PPP6R2: variants seen among roughly 807,000 people sequenced by gnomAD.
PPP6R2 encodes protein phosphatase 6 regulatory subunit 2, also known as serine/threonine-protein phosphatase 6 regulatory subunit 2.
Under a neutral mutation model 100.2 loss-of-function variants are expected in PPP6R2, and 62 were observed. The ratio of observed to expected loss-of-function variants is 0.62; its 90% confidence interval spans 0.50 to 0.76. The LOEUF is 0.76. Among genes scored for constraint, PPP6R2 ranks in the 30% least tolerant of loss-of-function variants. The pLI is 0.00. For missense variants in PPP6R2, 1,142 were observed against 1,276.3 expected, an observed-to-expected ratio of 0.89 and a Z score of 1.60; for synonymous variants, 525 against 514.7, an observed-to-expected ratio of 1.02 and a Z score of -0.27.
chr22:50,437,672 G>C (rs2064661125), intron 16 of PPP6R2, 69 bp downstream of exon 16: 1 of 1,441,712 alleles, frequency 6.9e-7, no homozygotes, highest in Non-Finnish European at 9.7e-7. Flanking sequence ...CGTGGAGGCA[G>C]CTCCCTGAGG....
chr22:50,376,940 T>A (rs2051721683), intron 2 of PPP6R2, among the ~76,000 whole-genome samples: 1 of 151,862 alleles, frequency 6.6e-6, no homozygotes, highest in South Asian at 2.1e-4. Context: ...GACAGGAGAA[T>A]GGCGTGAACC....
At chr22:50,406,129 GA>G in intron 3 of PPP6R2, among the ~76,000 whole-genome samples, 2 of 118,450 alleles carry the variant, frequency 1.7e-5, no homozygotes, top group African/African-American at 6.9e-5. Flanking sequence ...AGGCGAGTGT[GA>G]AGGCCTGGAG....
intron 3 of PPP6R2, among the ~76,000 whole-genome samples, chr22:50,395,670 C>T (rs896286185): frequency 1.3e-5 from 2 of 152,126 alleles, no homozygotes; most frequent in African/African-American, 2.4e-5. Flanking sequence ...AAGTGATCCT[C>T]CCGCCTTAGC....
intron 2 of PPP6R2, among the ~76,000 whole-genome samples, chr22:50,382,677 A>G (rs1185949925): frequency 2.0e-5 from 3 of 152,196 alleles, no homozygotes; most frequent in Non-Finnish European, 2.9e-5. Context: ...GAAAGCAATT[A>G]AAGACTTGAA....
At chr22:50,353,294 T>C (rs1434020203) in intron 1 of PPP6R2, among the ~76,000 whole-genome samples, 2 of 152,182 alleles carry the variant, frequency 1.3e-5, no homozygotes, top group Non-Finnish European at 2.9e-5. Flanking sequence ...CATGTGACTC[T>C]TCCTTTCCTA....
Position 50,372,781 on chromosome 22 carries a change from C to T in PPP6R2, c.-17+631C>T, listed in dbSNP as rs183267699. ...TCGGCTCACTGCAACCTCCACCTCCCGGGATCAAGCGATTCTTCTTCCTCA... is the reference window on the plus strand; with the variant it reads ...TCGGCTCACTGCAACCTCCACCTCCTGGGATCAAGCGATTCTTCTTCCTCA... On this transcript the variant is annotated intron_variant, in intron 2 of 23. Transcript: ENST00000612753. 4.2e-3 allele frequency among the ~76,000 whole-genome samples: 631 copies of T among 149,558 alleles called. 7 individuals carry two copies. The highest frequency in any genetic ancestry group is 0.014 in the African/African-American group (574 of 40,704).
At chr22:50,339,453 GGTGTGTGATTGGTGTGTGTGTA>G (rs1169022672), upstream of PPP6R2, among the ~76,000 whole-genome samples, 15 of 123,018 alleles carry the variant, frequency 1.2e-4, no homozygotes, top group African/African-American at 4.3e-4. Context: ...TGTTGTGTGT[GGTGTGTGATTGGTGTGTGTGTA>G]GTGTGTGGTG....
rs747689479 is a variant in PPP6R2, at chr22:50,440,911, C to T, written c.2464C>T (p.His822Tyr). The part of the protein sequence containing the change: ...ASDSSSSGGS[H>Y]SEDGDQKAAS... ...TGACAGTAGCTCCTCTGGGGGCTCC[C>T]ACAGCGAGGATGGCGACCAGAAGGC... The change falls in exon 22 of 24, where the codon CAC becomes TAC. Residue 822 changes from histidine (H) to tyrosine (Y), a missense_variant. His to Tyr is a moderately conservative substitution (Grantham distance 83). Around this residue, in one of 2 missense-constraint regions of PPP6R2, gnomAD observed 550 missense variants for 517.4 expected, o/e 1.06. Coordinates refer to ENST00000612753, the MANE Select transcript of PPP6R2 (RefSeq NM_001242898.2). 4 of 1,613,628 alleles carry T rather than the reference C, an allele frequency of 2.5e-6. No homozygotes were observed. The African/African-American group carries it at 5.3e-5, about 22-fold the overall frequency.
Position 50,434,971 on chromosome 22 carries a change from C to G in PPP6R2, c.1406C>G (p.Ala469Gly). The G allele has an allele frequency of 6.2e-7, 1 of 1,602,642 alleles. No individual in the cohort carries two copies. The highest frequency in any genetic ancestry group is 1.1e-5 in the South Asian group (1 of 90,640). Residue 469 changes from alanine to glycine, a missense_variant, in exon 13 of 24, where the codon GCG becomes GGG. Transcript: ENST00000612753. ...AWEANDHTQA[A>G]GGMRRGNMGH... ...ATGGTGCCTGTTGCTTTCAGGGCAG[C>G]GGGTGGCATGAGACGTGGGAACATG...
At position 50,374,548 on chromosome 22, in the gene PPP6R2, C is replaced by G. The variant is rs573294026; in HGVS notation, c.-17+2398C>G. 1.4e-4 allele frequency among the ~76,000 whole-genome samples: 22 copies of G among 152,188 alleles called. No individual in the cohort carries two copies. The East Asian group carries it at 4.2e-3, about 29-fold the overall frequency. ...TATTCGAAGTATTAATAGCTTTGAA[C>G]TTTCAGAAACTAATAAAAGACCTAA... On this transcript the variant is annotated intron_variant, in intron 2 of 23. Coordinates refer to ENST00000612753, the MANE Select transcript of PPP6R2 (RefSeq NM_001242898.2).
chr22:50,361,307 A>G (rs1020166706), intron 1 of PPP6R2, among the ~76,000 whole-genome samples: 2 of 152,200 alleles, frequency 1.3e-5, no homozygotes, highest in African/African-American at 4.8e-5. Flanking sequence ...CCTGGGTTCA[A>G]GTTCTAGAAC....
At chr22:50,351,397 A>G (rs1020375167) in intron 1 of PPP6R2, among the ~76,000 whole-genome samples, 3 of 148,032 alleles carry the variant, frequency 2.0e-5, no homozygotes, top group Non-Finnish European at 4.5e-5. Flanking sequence ...TGAGCATTCA[A>G]TTTAAAAGTC....
chr22:50,350,111 CTG>C (rs1457075959), intron 1 of PPP6R2, among the ~76,000 whole-genome samples: 1 of 152,026 alleles, frequency 6.6e-6, no homozygotes, highest in Non-Finnish European at 1.5e-5. Context: ...GAGCAAGACT[CTG>C]TCTCAAAAAG....
At chr22:50,380,184 G>A (rs1056253333) in intron 2 of PPP6R2, among the ~76,000 whole-genome samples, 1 of 152,060 alleles carries the variant, frequency 6.6e-6, no homozygotes, top group South Asian at 2.1e-4. Flanking sequence ...TAGAGACCCC[G>A]TGGTGATAGA....
At position 50,437,468 on chromosome 22, in the gene PPP6R2, G is replaced by A. The variant is rs553496166; in HGVS notation, c.1684-38G>A. 2.4e-5 allele frequency: 31 copies of A among 1,275,828 alleles called. 1 individual carries two copies. Among genetic ancestry groups the A allele is most frequent in the Middle Eastern group, 2.1e-4 (1 of 4,720 alleles). The allele number at this position is 1,275,828 out of a possible 1,614,324, so 79.0% of individuals were successfully genotyped here. On this transcript the variant is annotated intron_variant, in intron 15 of 23. Transcript: ENST00000612753. ...CAGGCCTGATGCCTCCTCCATGACC[G>A]GTGTCTGTCCGTCCCTCCCTCCCTC...
chr22:50,443,072 G>T (rs555845674), intron 22 of PPP6R2: 1 of 152,130 alleles, frequency 6.6e-6, no homozygotes, highest in African/African-American at 2.4e-5. Flanking sequence ...GGCTGAGGCA[G>T]GAGAATCGCT....
chr22:50,386,886 G>GGGAAACT (rs1163377101), intron 2 of PPP6R2, among the ~76,000 whole-genome samples: 1 of 152,044 alleles, frequency 6.6e-6, no homozygotes, highest in Non-Finnish European at 1.5e-5. Context: ...GTTGAAGAAA[G>GGGAAACT]GGAAACTGGA....
chr22:50,350,139 A>G (rs2044710589), intron 1 of PPP6R2, among the ~76,000 whole-genome samples: 1 of 152,014 alleles, frequency 6.6e-6, no homozygotes, highest in Non-Finnish European at 1.5e-5. Flanking sequence ...AAAAGAAACC[A>G]TTTTATTTGC....
intron 3 of PPP6R2, among the ~76,000 whole-genome samples, chr22:50,405,042 A>G (rs951691376): frequency 8.5e-5 from 13 of 152,362 alleles, no homozygotes; most frequent in East Asian, 3.9e-4. Context: ...GGTATTTCTT[A>G]GTCATAACGT....
Sources: allele counts gnomAD v4.1 joint callset (sites outside exome capture counted in the v4.1 genomes callset), GRCh38; gene constraint gnomAD v4.1.1; regional missense constraint gnomAD v4.1.1; transcripts MANE v1.5; gene names NCBI Gene and HGNC (gene_info 2026-07-23, HGNC 2026-07-21).